Variants in LRIF1 observed in about 807,000 individuals in gnomAD.
LRIF1 encodes the protein ligand dependent nuclear receptor interacting factor 1.
In LRIF1, 32 loss-of-function variants were observed where a neutral mutation model predicts 52.7. The ratio of observed to expected loss-of-function variants is 0.61; its 90% confidence interval spans 0.46 to 0.82. LRIF1 has a LOEUF of 0.82. Among genes scored for constraint, LRIF1 ranks in the 40% least tolerant of loss-of-function variants. LRIF1 has a pLI of 0.00. For missense variants in LRIF1, 887 were observed against 892.0 expected (o/e 0.99, Z 0.07); for synonymous variants, 323 against 317.4 (o/e 1.02, Z -0.19).
At chr1:110,892,160 A>G in the LRIF1 span, among the ~76,000 whole-genome samples, 3 of 152,220 alleles carry the variant, frequency 2.0e-5, no homozygotes, top group Admixed American at 2.0e-4. Context: ...GTAGGTCTCC[A>G]CATGAGAAAG....
chr1:110,944,383 C>T (rs1658153768), downstream of LRIF1: 1 of 151,860 alleles, frequency 6.6e-6, no homozygotes, highest in South Asian at 2.1e-4. Flanking sequence ...TTTAGACATC[C>T]AATAGAGATA....
downstream of LRIF1, chr1:110,943,969 T>C (rs1009451340): frequency 6.6e-6 from 1 of 152,218 alleles, no homozygotes; most frequent in African/African-American, 2.4e-5. Context: ...AGTCCTCAGA[T>C]AGTGGTTCTT....
At chr1:110,936,281 C>T in the LRIF1 span, 2 of 152,142 alleles carry the variant, frequency 1.3e-5, no homozygotes, top group East Asian at 3.9e-4. Flanking sequence ...GGTAATGGTA[C>T]ACAGAAAAAA....
the LRIF1 span, among the ~76,000 whole-genome samples, chr1:110,926,994 T>A: frequency 2.0e-5 from 3 of 152,034 alleles, no homozygotes; most frequent in African/African-American, 7.2e-5. Context: ...GTATTACAGA[T>A]CAGTTGAGAA....
chr1:110,890,167 T>C, the LRIF1 span, among the ~76,000 whole-genome samples: 4 of 152,110 alleles, frequency 2.6e-5, no homozygotes, highest in African/African-American at 9.7e-5. Context: ...AAGGCATAAT[T>C]TTAATGGAAA....
intron 1 of LRIF1, among the ~76,000 whole-genome samples, chr1:110,954,317 G>A (rs1658603967): frequency 6.6e-6 from 1 of 152,070 alleles, no homozygotes; most frequent in Non-Finnish European, 1.5e-5. Context: ...GCCCGGCTCT[G>A]TCATCCAGAC....
At chr1:110,945,955 T>TAA (rs1334062675), downstream of LRIF1, among the ~76,000 whole-genome samples, 7 of 152,144 alleles carry the variant, frequency 4.6e-5, no homozygotes, top group Admixed American at 3.9e-4. Flanking sequence ...AAAACATAGT[T>TAA]AAACACAGTT....
the LRIF1 span, among the ~76,000 whole-genome samples, chr1:110,915,839 T>C: frequency 1.3e-5 from 2 of 152,226 alleles, no homozygotes; most frequent in African/African-American, 4.8e-5. Context: ...TAATAAAAGC[T>C]GTGAGAACAA....
At chr1:110,926,127 G>A in the LRIF1 span, among the ~76,000 whole-genome samples, 1 of 152,002 alleles carries the variant, frequency 6.6e-6, no homozygotes, top group Non-Finnish European at 1.5e-5. Flanking sequence ...GCACAATATT[G>A]TGTATGTGTA....
the LRIF1 span, among the ~76,000 whole-genome samples, chr1:110,875,160 C>A: frequency 2.6e-5 from 4 of 152,110 alleles, no homozygotes; most frequent in Non-Finnish European, 5.9e-5. Flanking sequence ...ACCAAGGGTG[C>A]TGTATATTCA....
chr1:110,885,441 G>C, the LRIF1 span, among the ~76,000 whole-genome samples: 1 of 152,340 alleles, frequency 6.6e-6, no homozygotes, highest in South Asian at 2.1e-4. Context: ...GGGAGGCTGA[G>C]GCAGGAGAAT....
chr1:110,932,305 T>C, the LRIF1 span, among the ~76,000 whole-genome samples: 1 of 152,214 alleles, frequency 6.6e-6, no homozygotes, highest in Non-Finnish European at 1.5e-5. Context: ...ATGTGTGGTG[T>C]TATTTCTGAT....
At chr1:110,936,944 A>G in the LRIF1 span, 4 of 152,140 alleles carry the variant, frequency 2.6e-5, no homozygotes, top group South Asian at 2.1e-4. Flanking sequence ...CTATACTTAT[A>G]TCATACAAAA....
At chr1:110,906,778 C>G in the LRIF1 span, among the ~76,000 whole-genome samples, 1 of 150,300 alleles carries the variant, frequency 6.7e-6, no homozygotes, top group East Asian at 1.9e-4. Flanking sequence ...AATGCAGTCT[C>G]AAAAAAAAAT....
chr1:110,936,671 G>A, the LRIF1 span: 1 of 151,996 alleles, frequency 6.6e-6, no homozygotes, highest in Non-Finnish European at 1.5e-5. Context: ...AGGAAGACAG[G>A]AGGAAAGAAA....
At chr1:110,902,495 T>TAAAAAAAAAAA in the LRIF1 span, among the ~76,000 whole-genome samples, 28 of 72,658 alleles carry the variant, frequency 3.9e-4, no homozygotes, top group Non-Finnish European at 4.4e-4. Flanking sequence ...AATCAATCAC[T>TAAAAAAAAAAA]AAAAAAAAAA....
chr1:110,914,933 C>T, the LRIF1 span, among the ~76,000 whole-genome samples: 1 of 152,104 alleles, frequency 6.6e-6, no homozygotes, highest in Non-Finnish European at 1.5e-5. Context: ...TATGACCCAA[C>T]AATTCCATTC....
chr1:110,879,985 G>A, the LRIF1 span, among the ~76,000 whole-genome samples: 7 of 152,274 alleles, frequency 4.6e-5, no homozygotes, highest in South Asian at 1.5e-3. Context: ...GATGGAATTA[G>A]AAATCCGCAG....
At chr1:110,924,628 A>G in the LRIF1 span, among the ~76,000 whole-genome samples, 1 of 152,196 alleles carries the variant, frequency 6.6e-6, no homozygotes, top group Non-Finnish European at 1.5e-5. Context: ...AATTACCTCC[A>G]CCTTGTCTCT....
Sources: allele counts gnomAD v4.1 joint callset (sites outside exome capture counted in the v4.1 genomes callset), GRCh38; gene constraint gnomAD v4.1.1; transcripts MANE v1.5; gene names NCBI Gene and HGNC (gene_info 2026-07-23, HGNC 2026-07-21).